Variants in ZNF761 observed in about 807,000 individuals in gnomAD.
The protein encoded by ZNF761 is zinc finger protein 761.
In ZNF761, 43 loss-of-function variants were observed where a neutral mutation model predicts 59.9. That is an observed-to-expected ratio of 0.72 (90% CI 0.56 to 0.92). ZNF761 has a LOEUF of 0.92. Among genes scored for constraint, ZNF761 ranks in the 40% least tolerant of loss-of-function variants. The pLI is 0.00. For synonymous variants in ZNF761, 294 were observed against 304.8 expected (o/e 0.96, Z 0.37); for missense variants, 850 against 906.1 (o/e 0.94, Z 0.79).
rs117875768 is a variant in ZNF761 at position 53,453,692 on chromosome 19, G to A, written c.143-958G>A. 4.1e-3 allele frequency among the ~76,000 whole-genome samples: 617 copies of A among 152,054 alleles called. 6 individuals carry two copies. The highest frequency in any genetic ancestry group is 0.024 in the East Asian group (123 of 5,156). On this transcript the variant is annotated intron_variant, in intron 4 of 4. Coordinates refer to ENST00000684525, the MANE Select transcript of ZNF761 (RefSeq NM_001289951.2). Reference sequence around the variant, plus strand: ...AAAGTACGAGGCTGGCCTGGCCAACGTGTTGAAACCCTATTTCTACTAAAA... The same window carrying A: ...AAAGTACGAGGCTGGCCTGGCCAACATGTTGAAACCCTATTTCTACTAAAA...
At chr19:53,449,194 G>A (rs1409182677) in intron 3 of ZNF761, among the ~76,000 whole-genome samples, 8 of 152,100 alleles carry the variant, frequency 5.3e-5, no homozygotes, top group Non-Finnish European at 1.0e-4. Flanking sequence ...ACTGGTTGTG[G>A]TGGCATGCAC....
intron 4 of ZNF761, chr19:53,450,008 T>C: frequency 2.1e-6 from 1 of 465,140 alleles, no homozygotes; most frequent in Non-Finnish European, 3.7e-6. Context: ...ATTTTTAAGA[T>C]TTTTGCATAT....
Position 53,456,599 on chromosome 19 carries a change from A to G in ZNF761, c.2092A>G (p.Asn698Asp), listed in dbSNP as rs191499365. 6.2e-7 allele frequency: 1 copy of G among 1,612,272 alleles called. No homozygotes were observed. Among genetic ancestry groups the G allele is most frequent in the African/African-American group, 1.3e-5 (1 of 74,626 alleles). ...TTATAAGTGTAATGAGTGTGGCAAG[A>G]ACTTTAGTCAGAAGTCATCCCTTAT... ...KPYKCNECGK[N>D]FSQKSSLICH... The change falls in exon 5 of 5, where the codon AAC becomes GAC. Residue 698 changes from asparagine to aspartate, a missense_variant. Transcript: ENST00000684525.
rs541908530 is a variant in ZNF761, at chr19:53,454,036, A to G, written c.143-614A>G. ...TCACCCAGGCTGAAGTACAGTGGTG[A>G]AATCTTGGCTCACTGCAACCTCTGC... On this transcript the variant is annotated intron_variant, in intron 4 of 4. Transcript: ENST00000684525. 1.1e-4 allele frequency among the ~76,000 whole-genome samples: 17 copies of G among 151,778 alleles called. No individual in the cohort carries two copies. The South Asian group carries it at 3.5e-3, about 32-fold the overall frequency.
chr19:53,439,821 C>T (rs1468548472), intron 1 of ZNF761, among the ~76,000 whole-genome samples: 2 of 152,154 alleles, frequency 1.3e-5, no homozygotes, highest in African/African-American at 2.4e-5. Context: ...GTTCTAAATG[C>T]TTGCAGATGC....
intron 4 of ZNF761, among the ~76,000 whole-genome samples, chr19:53,453,163 A>C (rs1023554929): frequency 2.0e-5 from 3 of 151,978 alleles, no homozygotes; most frequent in African/African-American, 7.3e-5. Context: ...CACCACGACC[A>C]GCTAATTTTT....
chr19:53,440,428 A>G (rs2086086551), intron 1 of ZNF761, among the ~76,000 whole-genome samples: 1 of 151,696 alleles, frequency 6.6e-6, no homozygotes, highest in Admixed American at 6.6e-5. Context: ...ATATAATCTA[A>G]TAACTTAAAA....
intron 1 of ZNF761, among the ~76,000 whole-genome samples, chr19:53,440,995 G>A (rs557688772): frequency 7.2e-5 from 11 of 152,282 alleles, no homozygotes; most frequent in East Asian, 5.8e-4. Flanking sequence ...CTTTTCAAAA[G>A]GGATATCAAA....
At position 53,432,550 on chromosome 19, in the gene ZNF761, C is replaced by A. The variant is rs11084242; in HGVS notation, c.-185+522C>A. Among the ~76,000 whole-genome samples the A allele has an allele frequency of 2.6e-4, 39 of 151,954 alleles. No individual in the cohort carries two copies. In the East Asian group the frequency reaches 3.9e-3, roughly 15 times the overall value. ...CCTGAGCCCGCGTTGGGGAGGTGCCCGGGGCCTGTCCTGTGACGCGGGGTG... is the reference window on the plus strand; with the variant it reads ...CCTGAGCCCGCGTTGGGGAGGTGCCAGGGGCCTGTCCTGTGACGCGGGGTG... On this transcript the variant is annotated intron_variant, in intron 1 of 4. Transcript: ENST00000684525.
chr19:53,436,624 G>A (rs1357919438), intron 1 of ZNF761, among the ~76,000 whole-genome samples: 1 of 152,186 alleles, frequency 6.6e-6, no homozygotes, highest in Non-Finnish European at 1.5e-5. Flanking sequence ...CTTTGTGACT[G>A]ATAGTCTGTG....
Position 53,457,221 on chromosome 19 carries a change from C to A in ZNF761, c.*473C>A. 1 of 482,556 alleles carries A rather than the reference C, an allele frequency of 2.1e-6. No homozygotes were observed. Among genetic ancestry groups the A allele is most frequent in the South Asian group, 1.6e-5 (1 of 61,320 alleles). 29.9% of individuals were successfully genotyped at this position (482,556 alleles called of 1,614,324 possible). The stretch of plus-strand genomic sequence containing the variant: ...AACCATTGTGAATCACTGGAGAATC[C>A]ATAAGGAAGAGAGATCATACTAGGG... On this transcript the variant is annotated 3_prime_UTR_variant, in exon 5 of 5. Coordinates refer to ENST00000684525, the MANE Select transcript of ZNF761 (RefSeq NM_001289951.2).
At chr19:53,447,145 G>T in intron 2 of ZNF761, 51 bp from the exon 3 acceptor site, 1 of 1,266,522 alleles carries the variant, frequency 7.9e-7, no homozygotes. Flanking sequence ...TGTGTTCCAC[G>T]GAGGTGGCGT....
chr19:53,441,547 A>G (rs12975806), intron 1 of ZNF761, among the ~76,000 whole-genome samples: 103,354 of 150,276 alleles, frequency 0.69, 36,130 homozygotes, highest in South Asian at 0.76. Flanking sequence ...CCTGGTTTCA[A>G]GTGATTCTTT....
At position 53,449,516 on chromosome 19, in the gene ZNF761, T is replaced by C; in HGVS notation, c.20T>C (p.Leu7Pro). The change falls in exon 4 of 5, where the codon CTA (leucine) becomes CCA (proline). Residue 7 changes from leucine (L) to proline (P), a missense_variant. Leu to Pro is a moderately conservative substitution (Grantham distance 98). Transcript: ENST00000684525. MAFSQGLLTFRDVAIEF... is the reference protein window; with the variant it reads MAFSQGPLTFRDVAIEF... ...TAAAATGTGTTTTCATTTCAGGGTC[T>C]ATTGACATTCAGGGATGTGGCCATA... 1 of 1,613,750 alleles carries C rather than the reference T, an allele frequency of 6.2e-7. No individual in the cohort carries two copies. The highest frequency in any genetic ancestry group is 8.5e-7 in the Non-Finnish European group (1 of 1,179,840).
Position 53,447,352 on chromosome 19 carries a change from A to C in ZNF761, c.15+69A>C, listed in dbSNP as rs2086171770. 6 of 1,592,836 alleles carry C rather than the reference A, an allele frequency of 3.8e-6. No homozygotes were observed. In the East Asian group the frequency reaches 1.3e-4, roughly 36 times the overall value. On this transcript the variant is annotated intron_variant, in intron 3 of 4. Transcript: ENST00000684525. ...AGAAATGCTGGGCCTTGGAGTTGGG[A>C]ATCTTCTCTGAGTCTGAAGCATCCT... is the stretch of plus-strand genomic sequence containing the variant.
intron 4 of ZNF761, chr19:53,449,854 AT>A: frequency 8.8e-7 from 1 of 1,140,608 alleles, no homozygotes; most frequent in Non-Finnish European, 1.2e-6. Context: ...GTTTGGGCAA[AT>A]TTTTTAGTTT....
chr19:53,455,681 A>T lies in ZNF761; in HGVS notation c.1174A>T (p.Ser392Cys), dbSNP rs1340889732. 2 of 1,613,756 alleles carry T rather than the reference A, an allele frequency of 1.2e-6. No individual in the cohort carries two copies. Among genetic ancestry groups the T allele is most frequent in the Admixed American group, 3.3e-5 (2 of 59,980 alleles). The change falls in exon 5 of 5, where the codon AGT becomes TGT. Residue 392 changes from serine (S) to cysteine (C), a missense_variant. Coordinates refer to ENST00000684525, the MANE Select transcript of ZNF761 (RefSeq NM_001289951.2). ...ATGTAATGAGTGTGGCAAGACCTTT[A>T]GTCACAAGTCATCCCTTACATGCCA... ...YKCNECGKTFSHKSSLTCHRR... is the reference protein window; with the variant it reads ...YKCNECGKTFCHKSSLTCHRR...
Position 53,455,793 on chromosome 19 carries a change from G to A in ZNF761, c.1286G>A (p.Arg429Gln), listed in dbSNP as rs201433609. 2.5e-5 allele frequency: 41 copies of A among 1,613,016 alleles called. No individual in the cohort carries two copies. The highest frequency in any genetic ancestry group is 3.3e-4 in the Middle Eastern group (2 of 6,076). The part of the protein sequence containing the change: ...YSFRSNFEIH[R>Q]KIHTEDNAYK... ...TTCAGATCAAATTTTGAAATACATC[G>A]GAAAATTCATACTGAAGACAATGCT... Residue 429 changes from arginine to glutamine, a missense_variant, in exon 5 of 5, where the codon CGG becomes CAG. Coordinates refer to ENST00000684525, the MANE Select transcript of ZNF761 (RefSeq NM_001289951.2).
chr19:53,443,639 C>A (rs2086123491), intron 1 of ZNF761: 1 of 152,084 alleles, frequency 6.6e-6, no homozygotes, highest in East Asian at 1.9e-4. Context: ...GGAACATATT[C>A]TTCTAGTTTA....
Sources: gnomAD v4.1 joint callset for allele counts (sites outside exome capture counted in the v4.1 genomes callset) on GRCh38, gnomAD v4.1.1 for gene constraint, MANE v1.5 for transcripts, NCBI Gene and HGNC (gene_info 2026-07-23, HGNC 2026-07-21) for gene names.